NELL1: variants seen among roughly 807,000 people sequenced by gnomAD.
The protein encoded by NELL1 is protein kinase C-binding protein NELL1.
NELL1 carries 76 observed loss-of-function variants against 107.4 expected under a neutral mutation model. The observed-to-expected ratio is 0.71, with a 90% CI of 0.59 to 0.86. NELL1 has a LOEUF of 0.86. Ranked by LOEUF, NELL1 falls within the 40% of genes least tolerant of loss-of-function variation. NELL1 has a pLI of 0.00. For missense variants in NELL1, 1,024 were observed against 1,005.5 expected (o/e 1.02, Z -0.25); for synonymous variants, 353 against 341.2 (o/e 1.03, Z -0.38).
chr11:21,351,186 C>A (rs1352321589), intron 14 of NELL1, among the ~76,000 whole-genome samples: 1 of 152,096 alleles, frequency 6.6e-6, no homozygotes, highest in Non-Finnish European at 1.5e-5. Context: ...GAAGCTAGGA[C>A]AGAGCACATG....
chr11:21,503,689 C>G (rs1038495037), intron 15 of NELL1, among the ~76,000 whole-genome samples: 1 of 152,058 alleles, frequency 6.6e-6, no homozygotes, highest in African/African-American at 2.4e-5. Context: ...GTAGCTGGGT[C>G]GCTGGGTATA....
chr11:21,437,773 T>A (rs1206824820), intron 15 of NELL1, among the ~76,000 whole-genome samples: 1 of 152,232 alleles, frequency 6.6e-6, no homozygotes, highest in Non-Finnish European at 1.5e-5. Flanking sequence ...TGTTTCTTCC[T>A]TTTCAGTCTA....
Position 21,269,795 on chromosome 11 carries a change from TATC to T in NELL1, c.1549+40344_1549+40346del, listed in dbSNP as rs931503383. 5.9e-5 allele frequency among the ~76,000 whole-genome samples: 9 copies of T among 152,238 alleles called. No individual in the cohort carries two copies. In the South Asian group the frequency reaches 1.7e-3, roughly 28 times the overall value. ...AAAATTAAAATTAAAACTTTTCCCT[TATC>T]ATTAATTGATCTAACAGATAACAGT... On this transcript the variant is annotated intron_variant, in intron 14 of 19. Transcript: ENST00000357134.
At chr11:20,766,769 G>A (rs1403209111) in intron 2 of NELL1, among the ~76,000 whole-genome samples, 2 of 149,018 alleles carry the variant, frequency 1.3e-5, no homozygotes, top group Non-Finnish European at 3.0e-5. Flanking sequence ...TTCAGACAGA[G>A]CCTCATTCTG....
At chr11:20,746,159 G>C (rs1178516483) in intron 2 of NELL1, among the ~76,000 whole-genome samples, 1 of 152,168 alleles carries the variant, frequency 6.6e-6, no homozygotes, top group Non-Finnish European at 1.5e-5. Context: ...CTGGACTGTG[G>C]TTGCAGATAC....
At chr11:20,738,396 G>T (rs11824163) in intron 2 of NELL1, among the ~76,000 whole-genome samples, 7,828 of 152,098 alleles carry the variant, frequency 0.051, 638 homozygotes, top group African/African-American at 0.18. Context: ...TGGCTTGCTG[G>T]GGCACAGGGA....
At chr11:21,234,218 C>T (rs151025134) in intron 14 of NELL1, among the ~76,000 whole-genome samples, 59 of 152,220 alleles carry the variant, frequency 3.9e-4, no homozygotes, top group Non-Finnish European at 5.4e-4. Context: ...GCTCCTAGTT[C>T]GAAAAGCAGG....
At chr11:21,556,796 A>G (rs948579358) in intron 16 of NELL1, among the ~76,000 whole-genome samples, 1 of 151,996 alleles carries the variant, frequency 6.6e-6, no homozygotes, top group African/African-American at 2.4e-5. Context: ...TAAATAATGA[A>G]TTTATAAGAA....
chr11:21,331,687 GA>G (rs1372258909), intron 14 of NELL1, among the ~76,000 whole-genome samples: 1 of 152,008 alleles, frequency 6.6e-6, no homozygotes. Context: ...ATTAATTTCA[GA>G]CCTCTTTGCA....
chr11:21,522,779 A>G (rs1008078115), intron 15 of NELL1, among the ~76,000 whole-genome samples: 5 of 150,400 alleles, frequency 3.3e-5, no homozygotes, highest in Non-Finnish European at 7.4e-5. Context: ...TTTTTATGAA[A>G]TACCTTTTTT....
intron 14 of NELL1, among the ~76,000 whole-genome samples, chr11:21,300,185 A>G (rs564758081): frequency 6.6e-6 from 1 of 152,038 alleles, no homozygotes; most frequent in Non-Finnish European, 1.5e-5. Context: ...CTTCTCTAAG[A>G]TAGCATCTGA....
At chr11:21,052,467 G>C (rs1433492805) in intron 12 of NELL1, among the ~76,000 whole-genome samples, 2 of 152,082 alleles carry the variant, frequency 1.3e-5, no homozygotes, top group Non-Finnish European at 2.9e-5. Context: ...GGTAAGAATG[G>C]TAACATTCTT....
intron 2 of NELL1, among the ~76,000 whole-genome samples, chr11:20,716,836 G>T (rs1715269): frequency 0.45 from 68,748 of 152,098 alleles, 17,642 homozygotes; most frequent in African/African-American, 0.71. Flanking sequence ...TATTAGAACA[G>T]CATTGGGTAT....
intron 14 of NELL1, among the ~76,000 whole-genome samples, chr11:21,300,368 G>A (rs1849467222): frequency 6.6e-6 from 1 of 151,910 alleles, no homozygotes; most frequent in Admixed American, 6.6e-5. Context: ...AGGAAGGTAG[G>A]GACAAGTGAG....
intron 13 of NELL1, among the ~76,000 whole-genome samples, chr11:21,214,543 A>G (rs1857571809): frequency 6.6e-6 from 1 of 152,208 alleles, no homozygotes; most frequent in East Asian, 1.9e-4. Context: ...TGACAACATC[A>G]GGTGTCAGTT....
intron 15 of NELL1, among the ~76,000 whole-genome samples, chr11:21,522,144 G>C (rs867131219): frequency 2.0e-5 from 3 of 151,518 alleles, no homozygotes; most frequent in African/African-American, 7.3e-5. Context: ...TGAGGCAGGA[G>C]AATGGCATGA....
At chr11:21,030,808 C>G (rs1030755460) in intron 12 of NELL1, among the ~76,000 whole-genome samples, 2 of 151,994 alleles carry the variant, frequency 1.3e-5, no homozygotes, top group Non-Finnish European at 2.9e-5. Context: ...ACCCCTCCAT[C>G]GTAGCTATAA....
intron 13 of NELL1, among the ~76,000 whole-genome samples, chr11:21,175,182 C>G (rs748953051): frequency 1.3e-5 from 2 of 151,672 alleles, no homozygotes; most frequent in Non-Finnish European, 2.9e-5. Flanking sequence ...TTAGCTGTTT[C>G]CCGTCAATTC....
intron 13 of NELL1, among the ~76,000 whole-genome samples, chr11:21,188,225 G>T (rs1856974033): frequency 6.6e-6 from 1 of 151,826 alleles, no homozygotes; most frequent in Non-Finnish European, 1.5e-5. Context: ...TATCATCTTG[G>T]GGAAGCAGGT....
Sources: allele counts gnomAD v4.1 joint callset (sites outside exome capture counted in the v4.1 genomes callset), GRCh38; gene constraint gnomAD v4.1.1; transcripts MANE v1.5; gene names NCBI Gene and HGNC (gene_info 2026-07-23, HGNC 2026-07-21).